Variants in OR7C2 observed in about 807,000 individuals in gnomAD.
OR7C2 encodes the protein olfactory receptor family 7 subfamily C member 2, also known as olfactory receptor 7C2.
For missense variants in OR7C2, 374 were observed against 387.4 expected, an observed-to-expected ratio of 0.97 and a Z score of 0.29; for synonymous variants, 160 against 157.7, an observed-to-expected ratio of 1.01 and a Z score of -0.11.
Position 14,942,338 on chromosome 19 carries a change from C to A in OR7C2, c.850C>A (p.Leu284Met). The change falls in exon 1 of 1, where the codon CTG (leucine) becomes ATG (methionine). Residue 284 changes from leucine to methionine, a missense_variant. Physicochemically the swap from Leu to Met is conservative, Grantham distance 15. Transcript: ENST00000248072. ...GATGTACACCATGGTCACCCCCATGCTGAACCCCTTCATCTACAGCCTGAG... is the reference window on the plus strand; with the variant it reads ...GATGTACACCATGGTCACCCCCATGATGAACCCCTTCATCTACAGCCTGAG... ...SVMYTMVTPM[L>M]NPFIYSLRNK... 1 of 1,614,168 alleles carries A rather than the reference C, an allele frequency of 6.2e-7. No homozygotes were observed. The highest frequency in any genetic ancestry group is 1.1e-5 in the South Asian group (1 of 91,078).
At position 14,941,570 on chromosome 19, in the gene OR7C2, C is replaced by G. The variant is rs755680355; in HGVS notation, c.82C>G (p.His28Asp). 10 of 1,613,860 alleles carry G rather than the reference C, an allele frequency of 6.2e-6. No individual in the cohort carries two copies. In the African/African-American group the frequency reaches 1.3e-4, roughly 22 times the overall value. The change falls in exon 1 of 1, where the codon CAT becomes GAT. Residue 28 changes from histidine (H) to aspartate (D), a missense_variant. By Grantham distance (81) the His-to-Asp change is moderately conservative. Coordinates refer to ENST00000248072, the MANE Select transcript of OR7C2 (RefSeq NM_012377.1). ...AEDSDMQLLLHGLFLSMYLVT... is the reference protein window; with the variant it reads ...AEDSDMQLLLDGLFLSMYLVT... ...GGACTCTGACATGCAGCTTCTCCTC[C>G]ATGGGCTGTTCCTCTCCATGTACCT...
rs759659383 is a variant in OR7C2 at position 14,942,154 on chromosome 19, C to T, written c.666C>T (p.Phe222=). The change falls in exon 1 of 1, where the codon TTC becomes TTT. Residue 222 remains phenylalanine, a synonymous_variant. Coordinates refer to ENST00000248072, the MANE Select transcript of OR7C2 (RefSeq NM_012377.1). ...TCCTATTCTCTTATTCTCAGATTTT[C>T]TCCTCCGTCCTAAGAGTATCTGCCA... ...CGILFSYSQI[F]SSVLRVSARG... 1.3e-6 allele frequency: 2 copies of T among 1,504,550 alleles called. No individual in the cohort carries two copies. Among genetic ancestry groups the T allele is most frequent in the East Asian group, 4.9e-5 (2 of 41,050 alleles). 93.2% of individuals were successfully genotyped at this position (1,504,550 alleles called of 1,614,324 possible). A position where few individuals can be genotyped will look rare whatever the true frequency, so the allele number is the denominator to read the frequency against.
Position 14,942,136 on chromosome 19 carries a change from C to T in OR7C2, c.648C>T (p.Phe216=). ...LGVFPLCGIL[F]SYSQIFSSVL... ...TTTTTCCTCTCTGTGGAATCCTATT[C>T]TCTTATTCTCAGATTTTCTCCTCCG... The change falls in exon 1 of 1, where the codon TTC becomes TTT. Residue 216 remains phenylalanine (F), a synonymous_variant. Transcript: ENST00000248072. 1.2e-6 allele frequency: 2 copies of T among 1,606,620 alleles called. No homozygotes were observed. Among genetic ancestry groups the T allele is most frequent in the African/African-American group, 1.4e-5 (1 of 72,222 alleles).
chr19:14,941,902 C>T lies in OR7C2; in HGVS notation c.414C>T (p.Pro138=). The part of the protein sequence containing the change: ...YPLHYTVIMN[P]RLCGLLVLGS... The stretch of plus-strand genomic sequence containing the variant: ...TGCACTACACGGTCATCATGAACCC[C>T]CGGCTCTGTGGACTGCTGGTTCTGG... The change falls in exon 1 of 1, where the codon CCC becomes CCT. Residue 138 remains proline (P), a synonymous_variant. Coordinates refer to ENST00000248072, the MANE Select transcript of OR7C2 (RefSeq NM_012377.1). 1 of 1,614,088 alleles carries T rather than the reference C, an allele frequency of 6.2e-7. No homozygotes were observed. Among genetic ancestry groups the T allele is most frequent in the South Asian group, 1.1e-5 (1 of 91,072 alleles).
Position 14,942,337 on chromosome 19 carries a change from G to T in OR7C2, c.849G>T (p.Met283Ile). Residue 283 changes from methionine (M) to isoleucine (I), a missense_variant, in exon 1 of 1, where the codon ATG becomes ATT. By Grantham distance (10) the Met-to-Ile change is conservative. Coordinates refer to ENST00000248072, the MANE Select transcript of OR7C2 (RefSeq NM_012377.1). ...TGATGTACACCATGGTCACCCCCAT[G>T]CTGAACCCCTTCATCTACAGCCTGA... ...ASVMYTMVTP[M>I]LNPFIYSLRN... The T allele has an allele frequency of 6.2e-7, 1 of 1,614,106 alleles. No homozygotes were observed. The highest frequency in any genetic ancestry group is 2.2e-5 in the East Asian group (1 of 44,870).
In OR7C2 at chr19:14,941,668, C is replaced by T; in HGVS notation, c.180C>T (p.Tyr60=). Residue 60 remains tyrosine, a synonymous_variant, in exon 1 of 1, where the codon TAC becomes TAT. Transcript: ENST00000248072. The part of the protein sequence containing the change: ...SSDSHLHTPM[Y]FFLSNLSFAD... ...ACTCCCACCTCCACACCCCCATGTA[C>T]TTCTTCCTCTCCAACCTGTCCTTTG... is the stretch of plus-strand genomic sequence containing the variant. 3 of 1,614,176 alleles carry T rather than the reference C, an allele frequency of 1.9e-6. No individual in the cohort carries two copies. The highest frequency in any genetic ancestry group is 1.1e-5 in the South Asian group (1 of 91,082).
rs753343903 is a variant in OR7C2, at chr19:14,942,223, A to G, written c.735A>G (p.Ser245=). Residue 245 remains serine (S), a synonymous_variant, in exon 1 of 1, where the codon TCA becomes TCG. Transcript: ENST00000248072. The part of the protein sequence containing the change: ...KAFSTCGSHL[S]VVSLFYGTGL... ...TTTCCACCTGTGGTTCCCACCTCTC[A>G]GTGGTCAGCTTGTTCTATGGCACTG... is the stretch of plus-strand genomic sequence containing the variant. The G allele has an allele frequency of 2.5e-6, 4 of 1,614,014 alleles. No individual in the cohort carries two copies. In the Admixed American group the frequency reaches 6.7e-5, roughly 27 times the overall value.
chr19:14,942,116 C>A lies in OR7C2; in HGVS notation c.628C>A (p.Pro210Thr). ...YFVTIVLGVF[P>T]LCGILFSYSQ... Reference sequence around the variant, plus strand: ...TGTGACCATTGTCCTGGGTGTTTTTCCTCTCTGTGGAATCCTATTCTCTTA... The same window carrying A: ...TGTGACCATTGTCCTGGGTGTTTTTACTCTCTGTGGAATCCTATTCTCTTA... The change falls in exon 1 of 1, where the codon CCT becomes ACT. Residue 210 changes from proline (P) to threonine (T), a missense_variant. By Grantham distance (38) the Pro-to-Thr change is conservative. Transcript: ENST00000248072. The A allele has an allele frequency of 1.2e-6, 2 of 1,614,014 alleles. No homozygotes were observed. Among genetic ancestry groups the A allele is most frequent in the South Asian group, 2.2e-5 (2 of 91,064 alleles).
At position 14,941,670 on chromosome 19, in the gene OR7C2, T is replaced by A; in HGVS notation, c.182T>A (p.Phe61Tyr). Reference protein sequence around the residue: ...SDSHLHTPMYFFLSNLSFADI... With the variant: ...SDSHLHTPMYYFLSNLSFADI... The stretch of plus-strand genomic sequence containing the variant: ...TCCCACCTCCACACCCCCATGTACT[T>A]CTTCCTCTCCAACCTGTCCTTTGCT... Residue 61 changes from phenylalanine (F) to tyrosine (Y), a missense_variant, in exon 1 of 1, where the codon TTC becomes TAC. By Grantham distance (22) the Phe-to-Tyr change is conservative (BLOSUM62 3). Transcript: ENST00000248072. 6.2e-7 allele frequency: 1 copy of A among 1,614,130 alleles called. No individual in the cohort carries two copies. Among genetic ancestry groups the A allele is most frequent in the East Asian group, 2.2e-5 (1 of 44,880 alleles).
chr19:14,942,320 A>G lies in OR7C2; in HGVS notation c.832A>G (p.Thr278Ala). 1 of 1,614,082 alleles carries G rather than the reference A, an allele frequency of 6.2e-7. No individual in the cohort carries two copies. Among genetic ancestry groups the G allele is most frequent in the Non-Finnish European group, 8.5e-7 (1 of 1,180,018 alleles). ...RTSLAASVMY[T>A]MVTPMLNPFI... ...AAGTCTGGCAGCCTCGGTGATGTAC[A>G]CCATGGTCACCCCCATGCTGAACCC... is the stretch of plus-strand genomic sequence containing the variant. Residue 278 changes from threonine to alanine, a missense_variant, in exon 1 of 1, where the codon ACC becomes GCC. By Grantham distance (58) the Thr-to-Ala change is moderately conservative. Transcript: ENST00000248072.
rs767712821 is a variant in OR7C2, at chr19:14,942,327, T to A, written c.839T>A (p.Val280Asp). 6 of 1,614,120 alleles carry A rather than the reference T, an allele frequency of 3.7e-6. No individual in the cohort carries two copies. The highest frequency in any genetic ancestry group is 5.1e-6 in the Non-Finnish European group (6 of 1,180,036). ...GCAGCCTCGGTGATGTACACCATGG[T>A]CACCCCCATGCTGAACCCCTTCATC... ...SLAASVMYTM[V>D]TPMLNPFIYS... Residue 280 changes from valine to aspartate, a missense_variant, in exon 1 of 1, where the codon GTC (valine) becomes GAC (aspartate). Coordinates refer to ENST00000248072, the MANE Select transcript of OR7C2 (RefSeq NM_012377.1).
rs749852539 is a variant in OR7C2 at position 14,941,637 on chromosome 19, G to A, written c.149G>A (p.Ser50Asn). The change falls in exon 1 of 1, where the codon AGT becomes AAT. Residue 50 changes from serine (S) to asparagine (N), a missense_variant. Transcript: ENST00000248072. ...AACCTGCTCATCATCCTGACCATCAGTTCAGACTCCCACCTCCACACCCCC... is the reference window on the plus strand; with the variant it reads ...AACCTGCTCATCATCCTGACCATCAATTCAGACTCCCACCTCCACACCCCC... ...IGNLLIILTI[S>N]SDSHLHTPMY... is the part of the protein sequence containing the mutation. The A allele has an allele frequency of 6.2e-7, 1 of 1,614,010 alleles. No individual in the cohort carries two copies. The highest frequency in any genetic ancestry group is 1.7e-5 in the Admixed American group (1 of 60,008).
chr19:14,942,323 A>T lies in OR7C2; in HGVS notation c.835A>T (p.Met279Leu), dbSNP rs550025067. 23 of 1,614,114 alleles carry T rather than the reference A, an allele frequency of 1.4e-5. 1 individual carries two copies. The South Asian group carries it at 2.3e-4, about 16-fold the overall frequency. ...TSLAASVMYT[M>L]VTPMLNPFIY... ...TCTGGCAGCCTCGGTGATGTACACC[A>T]TGGTCACCCCCATGCTGAACCCCTT... Residue 279 changes from methionine to leucine, a missense_variant, in exon 1 of 1, where the codon ATG becomes TTG. Coordinates refer to ENST00000248072, the MANE Select transcript of OR7C2 (RefSeq NM_012377.1).
Position 14,942,039 on chromosome 19 carries a change from T to C in OR7C2, c.551T>C (p.Val184Ala), listed in dbSNP as rs766473168. 2 of 1,614,212 alleles carry C rather than the reference T, an allele frequency of 1.2e-6. No homozygotes were observed. Among genetic ancestry groups the C allele is most frequent in the South Asian group, 1.1e-5 (1 of 91,076 alleles). Residue 184 changes from valine to alanine, a missense_variant, in exon 1 of 1, where the codon GTC (valine) becomes GCC (alanine). Coordinates refer to ENST00000248072, the MANE Select transcript of OR7C2 (RefSeq NM_012377.1). ...IPHFFCDPSE[V>A]LKLACSDTFI... ...CACTTTTTTTGTGATCCTTCCGAAG[T>C]CCTGAAGCTGGCCTGTTCTGACACC...
Position 14,942,295 on chromosome 19 carries a change from A to G in OR7C2, c.807A>G (p.Thr269=). Residue 269 remains threonine (T), a synonymous_variant, in exon 1 of 1, where the codon ACA becomes ACG. Transcript: ENST00000248072. The part of the protein sequence containing the change: ...LSSAVTPPSR[T]SLAASVMYTM... ...CTGCAGTTACACCACCTTCTAGGAC[A>G]AGTCTGGCAGCCTCGGTGATGTACA... is the stretch of plus-strand genomic sequence containing the variant. The G allele has an allele frequency of 1.2e-6, 2 of 1,614,092 alleles. No homozygotes were observed.
chr19:14,941,646 C>T lies in OR7C2; in HGVS notation c.158C>T (p.Ser53Phe), dbSNP rs1183475564. Reference sequence around the variant, plus strand: ...ATCATCCTGACCATCAGTTCAGACTCCCACCTCCACACCCCCATGTACTTC... The same window carrying T: ...ATCATCCTGACCATCAGTTCAGACTTCCACCTCCACACCCCCATGTACTTC... ...LLIILTISSDSHLHTPMYFFL... is the reference protein window; with the variant it reads ...LLIILTISSDFHLHTPMYFFL... The change falls in exon 1 of 1, where the codon TCC becomes TTC. Residue 53 changes from serine to phenylalanine, a missense_variant. By Grantham distance (155) the Ser-to-Phe change is radical. Transcript: ENST00000248072. 1.6e-5 allele frequency: 26 copies of T among 1,613,976 alleles called. No homozygotes were observed. Among genetic ancestry groups the T allele is most frequent in the Non-Finnish European group, 2.1e-5 (25 of 1,180,018 alleles).
rs146850577 is a variant in OR7C2, at chr19:14,941,608, C to A, written c.120C>A (p.Ile40=). ...LFLSMYLVTI[I]GNLLIILTIS... ...TCTCCATGTACCTGGTTACCATCATCGGAAACCTGCTCATCATCCTGACCA... is the reference window on the plus strand; with the variant it reads ...TCTCCATGTACCTGGTTACCATCATAGGAAACCTGCTCATCATCCTGACCA... The change falls in exon 1 of 1, where the codon ATC becomes ATA. Residue 40 remains isoleucine, a synonymous_variant. Coordinates refer to ENST00000248072, the MANE Select transcript of OR7C2 (RefSeq NM_012377.1). The A allele has an allele frequency of 2.5e-6, 4 of 1,613,982 alleles. No individual in the cohort carries two copies. The highest frequency in any genetic ancestry group is 3.4e-6 in the Non-Finnish European group (4 of 1,180,032).
chr19:14,942,174 C>CATG lies in OR7C2; in HGVS notation c.686_687insATG (p.Ser229_Ala230insCys), dbSNP rs397816267. 1 of 1,613,442 alleles carries CATG rather than the reference C, an allele frequency of 6.2e-7. No individual in the cohort carries two copies. Among genetic ancestry groups the CATG allele is most frequent in the Non-Finnish European group, 8.5e-7 (1 of 1,179,868 alleles). ...ATTTTCTCCTCCGTCCTAAGAGTAT[C>CATG]TGCCAGAGGCCAGCACAAAGCCTTT... is the stretch of plus-strand genomic sequence containing the variant. On this transcript the variant is annotated inframe_insertion, in exon 1 of 1. Transcript: ENST00000248072.
rs1363319268 is a variant in OR7C2, at chr19:14,941,657, A to G, written c.169A>G (p.Thr57Ala). 2 of 1,612,174 alleles carry G rather than the reference A, an allele frequency of 1.2e-6. No individual in the cohort carries two copies. The highest frequency in any genetic ancestry group is 1.7e-6 in the Non-Finnish European group (2 of 1,179,088). The stretch of plus-strand genomic sequence containing the variant: ...CATCAGTTCAGACTCCCACCTCCAC[A>G]CCCCCATGTACTTCTTCCTCTCCAA... The part of the protein sequence containing the change: ...LTISSDSHLH[T>A]PMYFFLSNLS... Residue 57 changes from threonine (T) to alanine (A), a missense_variant, in exon 1 of 1, where the codon ACC becomes GCC. Transcript: ENST00000248072.
Sources: allele counts gnomAD v4.1 joint callset, GRCh38; gene constraint gnomAD v4.1.1; transcripts MANE v1.5; gene names NCBI Gene and HGNC (gene_info 2026-07-23, HGNC 2026-07-21).